The following ADAMTS6 variants were observed in gnomAD, a reference collection of about 807,000 sequenced individuals.
The protein encoded by ADAMTS6 is ADAM metallopeptidase with thrombospondin type 1 motif 6.
Under a neutral mutation model 144.3 loss-of-function variants are expected in ADAMTS6, and 23 were observed. That is an observed-to-expected ratio of 0.16 (90% CI 0.11 to 0.23). The LOEUF is 0.23. Ranked by LOEUF, ADAMTS6 falls within the 10% of genes least tolerant of loss-of-function variation. The pLI, the probability that ADAMTS6 is intolerant of heterozygous loss-of-function variation, is 1.00. For synonymous variants in ADAMTS6, 444 were observed against 457.5 expected (o/e 0.97, Z 0.38); for missense variants, 999 against 1,379.6 (o/e 0.72, Z 4.37).
At chr5:65,248,392 A>G (rs1403466755) in intron 14 of ADAMTS6, among the ~76,000 whole-genome samples, 1 of 152,286 alleles carries the variant, frequency 6.6e-6, no homozygotes, top group Admixed American at 6.5e-5. Context: ...TTGATACTAT[A>G]ATCTTCTATG....
At chr5:65,427,013 A>T (rs1756592598) in intron 7 of ADAMTS6, among the ~76,000 whole-genome samples, 1 of 152,186 alleles carries the variant, frequency 6.6e-6, no homozygotes, top group Non-Finnish European at 1.5e-5. Flanking sequence ...GGTTGTCAAA[A>T]AGGATGAAGA....
intron 11 of ADAMTS6, among the ~76,000 whole-genome samples, chr5:65,289,709 T>C (rs1742099814): frequency 6.6e-6 from 1 of 152,162 alleles, no homozygotes; most frequent in Admixed American, 6.5e-5. Flanking sequence ...CGTGTAGCCA[T>C]AGATTCTATA....
At chr5:65,426,531 C>CA (rs959530505) in intron 7 of ADAMTS6, among the ~76,000 whole-genome samples, 2 of 150,400 alleles carry the variant, frequency 1.3e-5, no homozygotes, top group Non-Finnish European at 3.0e-5. Context: ...ATTTTAAAAG[C>CA]AAAAAAAATT....
intron 20 of ADAMTS6, chr5:65,209,838 T>A (rs1005730965): frequency 6.6e-6 from 1 of 152,178 alleles, no homozygotes; most frequent in Non-Finnish European, 1.5e-5. Context: ...GAGATGAACA[T>A]GGAGTATCTC....
chr5:65,348,211 T>C (rs1410363935), intron 7 of ADAMTS6, among the ~76,000 whole-genome samples: 2 of 152,160 alleles, frequency 1.3e-5, no homozygotes, highest in African/African-American at 4.8e-5. Flanking sequence ...TGCACTCCCA[T>C]GTTCATTGTG....
chr5:65,475,834 A>G (rs1760806708), intron 1 of ADAMTS6, among the ~76,000 whole-genome samples: 1 of 152,238 alleles, frequency 6.6e-6, no homozygotes, highest in Non-Finnish European at 1.5e-5. Context: ...ACCAAAAATA[A>G]AAAACTTTAA....
intron 22 of ADAMTS6, among the ~76,000 whole-genome samples, chr5:65,174,701 A>G (rs1264614580): frequency 1.3e-5 from 2 of 151,702 alleles, no homozygotes; most frequent in African/African-American, 2.4e-5. Context: ...TTTGTTTTTG[A>G]CCTGGCTTGG....
chr5:65,240,886 T>C (rs1267360116), intron 15 of ADAMTS6, among the ~76,000 whole-genome samples: 1 of 152,166 alleles, frequency 6.6e-6, no homozygotes, highest in Non-Finnish European at 1.5e-5. Flanking sequence ...TGTGCATTGG[T>C]CAAAAACCAG....
intron 12 of ADAMTS6, among the ~76,000 whole-genome samples, chr5:65,271,449 C>T (rs1762050008): frequency 6.6e-6 from 1 of 150,564 alleles, no homozygotes. Context: ...AATTCAATAC[C>T]ATTAGCTTTA....
chr5:65,226,139 C>T lies in ADAMTS6; in HGVS notation c.2014G>A (p.Gly672Arg). 6.2e-7 allele frequency: 1 copy of T among 1,613,890 alleles called. No homozygotes were observed. Among genetic ancestry groups the T allele is most frequent in the Non-Finnish European group, 8.5e-7 (1 of 1,179,852 alleles). Reference protein sequence around the residue: ...YTERAPAVIDGTQCNADSLDI... With the variant: ...YTERAPAVIDRTQCNADSLDI... ...AGTGAATCCGCATTGCACTGGGTCC[C>T]ATCGATCACCGCAGGAGCACGTTCA... The change falls in exon 16 of 25, where the codon GGG (glycine) becomes AGG (arginine). Residue 672 changes from glycine to arginine, a missense_variant. Physicochemically the swap from Gly to Arg is moderately radical, Grantham distance 125. This residue lies in a region of ADAMTS6 where 619 missense variants were observed against 837.0 expected (regional missense o/e 0.74). Coordinates refer to ENST00000381055, the MANE Select transcript of ADAMTS6 (RefSeq NM_197941.4).
At chr5:65,340,788 C>T in intron 7 of ADAMTS6, among the ~76,000 whole-genome samples, 1 of 151,850 alleles carries the variant, frequency 6.6e-6, no homozygotes, top group East Asian at 1.9e-4. Flanking sequence ...AGCAGGTATA[C>T]CTCTATTTAT....
At chr5:65,173,519 G>C (rs1753756662) in intron 22 of ADAMTS6, among the ~76,000 whole-genome samples, 1 of 152,134 alleles carries the variant, frequency 6.6e-6, no homozygotes, top group Non-Finnish European at 1.5e-5. Context: ...GAAAATCTCT[G>C]GACTTTTCCC....
At chr5:65,344,222 T>C (rs776293631) in intron 7 of ADAMTS6, among the ~76,000 whole-genome samples, 1 of 151,966 alleles carries the variant, frequency 6.6e-6, no homozygotes, top group Non-Finnish European at 1.5e-5. Flanking sequence ...TTTGCCATCA[T>C]CAATAACCCC....
At chr5:65,300,412 A>T (rs1229549799) in intron 9 of ADAMTS6, among the ~76,000 whole-genome samples, 1 of 152,196 alleles carries the variant, frequency 6.6e-6, no homozygotes, top group Non-Finnish European at 1.5e-5. Flanking sequence ...ATTGTATATC[A>T]GTCCTTACTT....
chr5:65,246,645 T>C (rs1759655270), intron 14 of ADAMTS6, among the ~76,000 whole-genome samples: 1 of 152,162 alleles, frequency 6.6e-6, no homozygotes, highest in African/African-American at 2.4e-5. Context: ...GAAAAGAATC[T>C]TCCAGAACAC....
chr5:65,183,791 T>C (rs891431410), intron 22 of ADAMTS6, among the ~76,000 whole-genome samples: 2 of 152,218 alleles, frequency 1.3e-5, no homozygotes, highest in Non-Finnish European at 2.9e-5. Flanking sequence ...CATTAGCCTA[T>C]ACCCATGCAA....
intron 24 of ADAMTS6, among the ~76,000 whole-genome samples, chr5:65,153,267 C>G (rs1752229777): frequency 6.6e-6 from 1 of 152,136 alleles, no homozygotes. Flanking sequence ...CTGCCACCAC[C>G]CAGCTCCCTT....
At chr5:65,302,796 C>T (rs1370019708) in intron 9 of ADAMTS6, among the ~76,000 whole-genome samples, 1 of 152,064 alleles carries the variant, frequency 6.6e-6, no homozygotes, top group Non-Finnish European at 1.5e-5. Context: ...AATACTATTT[C>T]CTTTTAGTGG....
intron 20 of ADAMTS6, among the ~76,000 whole-genome samples, chr5:65,202,601 T>C (rs1580044261): frequency 1.3e-5 from 2 of 152,310 alleles, no homozygotes. Context: ...AGATATCTAA[T>C]AAAATAGTGC....
Sources: gnomAD v4.1 joint callset for allele counts (sites outside exome capture counted in the v4.1 genomes callset) on GRCh38, gnomAD v4.1.1 for gene constraint, gnomAD v4.1.1 regional missense constraint, MANE v1.5 for transcripts, NCBI Gene and HGNC (gene_info 2026-07-23, HGNC 2026-07-21) for gene names.